Variants in DDC observed in about 807,000 individuals in gnomAD.
DDC encodes aromatic-L-amino-acid decarboxylase.
A neutral mutation model predicts 60.0 loss-of-function variants in DDC; 43 were observed. The observed-to-expected ratio is 0.72, with a 90% confidence interval of 0.56 to 0.92. DDC has a LOEUF of 0.92. Among genes scored for constraint, DDC ranks in the 40% least tolerant of loss-of-function variants. DDC has a pLI of 0.00. For synonymous variants in DDC, 232 were observed against 234.6 expected (o/e 0.99, Z 0.10); for missense variants, 573 against 620.2 (o/e 0.92, Z 0.81).
intron 14 of DDC, 92 bp downstream of exon 14, chr7:50,463,121 C>T (rs1389499607): frequency 1.5e-5 from 15 of 1,013,038 alleles, no homozygotes; most frequent in East Asian, 2.6e-5. Context: ...ATTGAGTGGC[C>T]GGGCTGGGCC....
chr7:50,470,001 A>T, intron 12 of DDC, 72 bp downstream of exon 12: 5 of 1,034,246 alleles, frequency 4.8e-6, no homozygotes, highest in East Asian at 2.4e-5. Context: ...AAGAAAAAAA[A>T]TTTGAATTTA....
chr7:50,485,517 TA>T (rs987096519), intron 9 of DDC, among the ~76,000 whole-genome samples: 1 of 152,156 alleles, frequency 6.6e-6, no homozygotes, highest in African/African-American at 2.4e-5. Flanking sequence ...GTGAAAGCAA[TA>T]AAAAATCCAT....
At chr7:50,459,336 G>A (rs1453466229) in intron 14 of DDC, among the ~76,000 whole-genome samples, 3 of 152,224 alleles carry the variant, frequency 2.0e-5, no homozygotes, top group Admixed American at 1.3e-4. Context: ...GCCTGCCTTG[G>A]CCTCCCAAAG....
At chr7:50,517,648 T>C (rs1053149765) in intron 6 of DDC, among the ~76,000 whole-genome samples, 10 of 152,160 alleles carry the variant, frequency 6.6e-5, no homozygotes, top group Non-Finnish European at 1.2e-4. Context: ...CACTGTTTGC[T>C]GCCAATATGA....
At chr7:50,512,523 C>T (rs1480313812) in intron 6 of DDC, among the ~76,000 whole-genome samples, 1 of 152,112 alleles carries the variant, frequency 6.6e-6, no homozygotes, top group East Asian at 1.9e-4. Context: ...TAGTACCTAC[C>T]CATCCACCAC....
intron 8 of DDC, among the ~76,000 whole-genome samples, chr7:50,498,693 C>T (rs2043177176): frequency 6.6e-6 from 1 of 152,198 alleles, no homozygotes; most frequent in African/African-American, 2.4e-5. Flanking sequence ...AGAAGACTGC[C>T]TAGGGGCATT....
chr7:50,561,319 G>A (rs1387889433), intron 1 of DDC, among the ~76,000 whole-genome samples: 1 of 152,124 alleles, frequency 6.6e-6, no homozygotes, highest in East Asian at 1.9e-4. Flanking sequence ...CACTGTGTAG[G>A]ATGCAGATTT....
intron 1 of DDC, among the ~76,000 whole-genome samples, chr7:50,557,097 A>C (rs749807995): frequency 6.6e-6 from 1 of 152,240 alleles, no homozygotes; most frequent in Non-Finnish European, 1.5e-5. Context: ...CTCCTGAGGT[A>C]GCATAAGAGA....
At chr7:50,512,567 C>T (rs4947594) in intron 6 of DDC, among the ~76,000 whole-genome samples, 2,691 of 152,270 alleles carry the variant, frequency 0.018, 160 homozygotes, top group Admixed American at 0.11. Flanking sequence ...GAGCATGTGT[C>T]CCTGGAGCAG....
chr7:50,532,051 C>A (rs73123257), intron 4 of DDC, among the ~76,000 whole-genome samples: 13,556 of 152,244 alleles, frequency 0.089, 964 homozygotes, highest in South Asian at 0.14. Flanking sequence ...TCCAGCCTCA[C>A]AACAACAGTT....
At chr7:50,544,584 C>T (rs1241055472) in intron 1 of DDC, among the ~76,000 whole-genome samples, 1 of 152,208 alleles carries the variant, frequency 6.6e-6, no homozygotes, top group Non-Finnish European at 1.5e-5. Context: ...CAGCTCAGAG[C>T]CTGGGGCAGC....
intron 6 of DDC, among the ~76,000 whole-genome samples, chr7:50,506,878 A>G (rs2043413175): frequency 6.6e-6 from 1 of 152,220 alleles, no homozygotes; most frequent in African/African-American, 2.4e-5. Context: ...TCCCCTCCTC[A>G]TGTCAAGCAT....
rs74777685 is a variant in DDC at position 50,486,737 on chromosome 7, A to G, written c.945-6874T>C. ...ATGGTGGGGACTTTGAAAGGCAAAT[A>G]AAAACCTGACACCCCAATTCACTCT... On this transcript the variant is annotated intron_variant, in intron 9 of 14. Coordinates refer to ENST00000444124, the MANE Select transcript of DDC (RefSeq NM_001082971.2). Among the ~76,000 whole-genome samples the G allele has an allele frequency of 1.6e-4, 25 of 152,326 alleles. No homozygotes were observed. The East Asian group carries it at 3.9e-3, about 23-fold the overall frequency.
At chr7:50,508,186 C>A (rs564963970) in intron 6 of DDC, among the ~76,000 whole-genome samples, 1 of 152,342 alleles carries the variant, frequency 6.6e-6, no homozygotes, top group African/African-American at 2.4e-5. Context: ...CTACGTGGGG[C>A]TGAGCTACAA....
chr7:50,487,860 T>C (rs1468986104), intron 9 of DDC, among the ~76,000 whole-genome samples: 1 of 152,144 alleles, frequency 6.6e-6, no homozygotes. Flanking sequence ...TATATTTATG[T>C]TTGCTAAATA....
chr7:50,518,528 T>C (rs2043800949), intron 6 of DDC, among the ~76,000 whole-genome samples: 1 of 152,198 alleles, frequency 6.6e-6, no homozygotes, highest in Non-Finnish European at 1.5e-5. Flanking sequence ...ATGGTACTGG[T>C]ATAAAAATAG....
At chr7:50,558,475 C>G (rs929363753) in intron 1 of DDC, among the ~76,000 whole-genome samples, 2 of 152,130 alleles carry the variant, frequency 1.3e-5, no homozygotes, top group Non-Finnish European at 2.9e-5. Context: ...GAGGTGCCCC[C>G]CTCCAAGAAA....
Position 50,476,626 on chromosome 7 carries a change from G to C in DDC, c.1039C>G (p.Arg347Gly). ...TTACAGTGGAATCTCCCACTTACCC[G>C]GTAGTCAGTGATAAGCCCTGGAGAA... Reference protein sequence around the residue: ...HQDSGLITDYRHWQIPLGRRF... With the variant: ...HQDSGLITDYGHWQIPLGRRF... Residue 347 changes from arginine (R) to glycine (G), a missense_variant and splice_region_variant, in exon 11 of 15, where the codon CGG becomes GGG. Transcript: ENST00000444124. The C allele has an allele frequency of 6.2e-7, 1 of 1,612,392 alleles. No individual in the cohort carries two copies. The highest frequency in any genetic ancestry group is 8.5e-7 in the Non-Finnish European group (1 of 1,178,834).
intron 12 of DDC, among the ~76,000 whole-genome samples, chr7:50,469,296 G>A (rs1256955833): frequency 2.6e-5 from 4 of 151,082 alleles, no homozygotes; most frequent in Admixed American, 6.6e-5. Context: ...GTGGGGCTTG[G>A]AGCTGATAAG....
Sources: allele counts gnomAD v4.1 joint callset (sites outside exome capture counted in the v4.1 genomes callset), GRCh38; gene constraint gnomAD v4.1.1; transcripts MANE v1.5; gene names NCBI Gene and HGNC (gene_info 2026-07-23, HGNC 2026-07-21).